Variants in CFAP251 observed in about 807,000 individuals in gnomAD.
CFAP251 encodes cilia and flagella associated protein 251.
Under a neutral mutation model 126.7 loss-of-function variants are expected in CFAP251, and 93 were observed. The observed-to-expected ratio is 0.73, with a 90% CI of 0.62 to 0.87. CFAP251 has a LOEUF of 0.87. Ranked by LOEUF, CFAP251 falls within the 40% of genes least tolerant of loss-of-function variation. The pLI is 0.00. For synonymous variants in CFAP251, 503 were observed against 506.9 expected (o/e 0.99, Z 0.10); for missense variants, 1,287 against 1,389.2 (o/e 0.93, Z 1.17).
chr12:121,968,933 G>A, intron 17 of CFAP251: 9 of 985,444 alleles, frequency 9.1e-6, no homozygotes, highest in Non-Finnish European at 1.1e-5. Context: ...GAGGGGACAA[G>A]CACCCACACT....
chr12:121,957,278 T>C lies in CFAP251; in HGVS notation c.1730+10T>C, dbSNP rs760340591. Reference sequence around the variant, plus strand: ...ACCTTTTTGTCTTAAGGTAAGTTGTTAATGAATCTAGTCATTAGAATGGTT... The same window carrying C: ...ACCTTTTTGTCTTAAGGTAAGTTGTCAATGAATCTAGTCATTAGAATGGTT... On this transcript the variant is annotated intron_variant, in intron 11 of 21. Coordinates refer to ENST00000288912, the MANE Select transcript of CFAP251 (RefSeq NM_144668.6). The C allele has an allele frequency of 5.0e-6, 8 of 1,603,380 alleles. No individual in the cohort carries two copies. The highest frequency in any genetic ancestry group is 6.8e-6 in the Non-Finnish European group (8 of 1,175,304).
rs1882342055 is a variant in CFAP251, at chr12:121,971,950, C to T, written c.2772-3294C>T. On this transcript the variant is annotated intron_variant, in intron 17 of 21. Coordinates refer to ENST00000288912, the MANE Select transcript of CFAP251 (RefSeq NM_144668.6). Reference sequence around the variant, plus strand: ...TGGTTTGATAAGGGGAAACCTGTTTCACTTGGCTCTCATTCTCTCTTGCCA... The same window carrying T: ...TGGTTTGATAAGGGGAAACCTGTTTTACTTGGCTCTCATTCTCTCTTGCCA... 2.3e-5 allele frequency: 6 copies of T among 264,954 alleles called. No homozygotes were observed. In the South Asian group the frequency reaches 2.9e-4, roughly 13 times the overall value. The allele number at this position is 264,954 out of a possible 1,614,324, so 16.4% of individuals were successfully genotyped here.
intron 15 of CFAP251, among the ~76,000 whole-genome samples, chr12:121,964,386 C>T (rs573918471): frequency 1.3e-5 from 2 of 152,158 alleles, no homozygotes; most frequent in Non-Finnish European, 1.5e-5. Flanking sequence ...CTCAGATATG[C>T]GCAGTCCTAA....
intron 21 of CFAP251, 92 bp from the exon 22 acceptor site, chr12:122,003,560 A>G: frequency 2.1e-6 from 2 of 940,786 alleles, no homozygotes; most frequent in Non-Finnish European, 3.3e-6. Flanking sequence ...GCAACAGAGC[A>G]AGGCCCTGTC....
At chr12:121,921,792 C>A in intron 2 of CFAP251, 109 bp downstream of exon 2, 1 of 796,278 alleles carries the variant, frequency 1.3e-6, no homozygotes, top group Non-Finnish European at 1.8e-6. Context: ...CAATCCATTC[C>A]TTTTTTTTTT....
chr12:121,922,379 G>A (rs1278958897), intron 2 of CFAP251, among the ~76,000 whole-genome samples: 2 of 152,088 alleles, frequency 1.3e-5, no homozygotes, highest in African/African-American at 4.8e-5. Flanking sequence ...CAAAGTGCTA[G>A]GAGCCCCTGC....
chr12:121,988,305 C>T (rs1593004900), intron 19 of CFAP251, among the ~76,000 whole-genome samples: 1 of 152,092 alleles, frequency 6.6e-6, no homozygotes, highest in African/African-American at 2.4e-5. Flanking sequence ...AGAATGTCCA[C>T]CGAGTAGTGC....
At chr12:121,945,586 GC>G (rs1466161808) in intron 7 of CFAP251, among the ~76,000 whole-genome samples, 1 of 151,154 alleles carries the variant, frequency 6.6e-6, no homozygotes, top group Admixed American at 6.6e-5. Flanking sequence ...CTCATGATCC[GC>G]CCGCCTTGGC....
At chr12:121,986,598 C>T (rs1593004030) in intron 19 of CFAP251, among the ~76,000 whole-genome samples, 1 of 151,504 alleles carries the variant, frequency 6.6e-6, no homozygotes, top group East Asian at 2.0e-4. Flanking sequence ...CGCGCCCAGC[C>T]GAATTTTTTT....
chr12:121,973,942 C>A (rs1240970851), intron 17 of CFAP251, among the ~76,000 whole-genome samples: 1 of 152,002 alleles, frequency 6.6e-6, no homozygotes, highest in East Asian at 1.9e-4. Flanking sequence ...ATTGGGAAGG[C>A]ATGATTGGTT....
At position 121,999,738 on chromosome 12, in the gene CFAP251, T is replaced by A. The variant is rs1233119469; in HGVS notation, c.3029T>A (p.Ile1010Asn). The change falls in exon 20 of 22, where the codon ATC becomes AAC. Residue 1010 changes from isoleucine to asparagine, a missense_variant. Physicochemically the swap from Ile to Asn is moderately radical, Grantham distance 149. Coordinates refer to ENST00000288912, the MANE Select transcript of CFAP251 (RefSeq NM_144668.6). ...EEKIDDIFNEIKFGEYVDTGK... is the reference protein window; with the variant it reads ...EEKIDDIFNENKFGEYVDTGK... ...TAGATTGATGATATATTTAACGAAATCAAATTTGGTGAATATGTGGACACT... is the reference window on the plus strand; with the variant it reads ...TAGATTGATGATATATTTAACGAAAACAAATTTGGTGAATATGTGGACACT... 2 of 1,608,170 alleles carry A rather than the reference T, an allele frequency of 1.2e-6. No homozygotes were observed. The highest frequency in any genetic ancestry group is 2.7e-5 in the African/African-American group (2 of 74,928).
intron 17 of CFAP251, among the ~76,000 whole-genome samples, 197 bp downstream of exon 17, chr12:121,968,366 T>C (rs1172314221): frequency 2.0e-5 from 3 of 152,162 alleles, no homozygotes; most frequent in African/African-American, 7.2e-5. Flanking sequence ...GGACCAATGG[T>C]GTTTGCAGTT....
intron 7 of CFAP251, chr12:121,948,730 AAAG>A: frequency 3.8e-6 from 1 of 266,498 alleles, no homozygotes; most frequent in Non-Finnish European, 7.0e-6. Flanking sequence ...AAAAAAAAAA[AAAG>A]AAAAGCTTAT....
At chr12:121,956,501 G>C in intron 10 of CFAP251, among the ~76,000 whole-genome samples, 1 of 152,110 alleles carries the variant, frequency 6.6e-6, no homozygotes. Context: ...TTGTTTGTCT[G>C]TTTTGTTTTT....
intron 19 of CFAP251, chr12:121,997,374 G>GAGTC (rs1257317701): frequency 7.5e-6 from 1 of 134,168 alleles, no homozygotes; most frequent in East Asian, 2.1e-4. Context: ...GGCAAGGTGT[G>GAGTC]AGTCACCGTT....
At position 121,923,868 on chromosome 12, in the gene CFAP251, G is replaced by A. The variant is rs748865361; in HGVS notation, c.625G>A (p.Gly209Arg). 1.9e-6 allele frequency: 3 copies of A among 1,614,120 alleles called. No individual in the cohort carries two copies. The highest frequency in any genetic ancestry group is 2.5e-6 in the Non-Finnish European group (3 of 1,180,020). The change falls in exon 3 of 22, where the codon GGA (glycine) becomes AGA (arginine). Residue 209 changes from glycine (G) to arginine (R), a missense_variant. By Grantham distance (125) the Gly-to-Arg change is moderately radical (BLOSUM62 -2). Coordinates refer to ENST00000288912, the MANE Select transcript of CFAP251 (RefSeq NM_144668.6). The part of the protein sequence containing the change: ...RDLEPENREE[G>R]QERRVSDIQS... Reference sequence around the variant, plus strand: ...CTTGGAGCCAGAAAACAGAGAGGAGGGACAAGAAAGGAGAGTATCCGACAT... The same window carrying A: ...CTTGGAGCCAGAAAACAGAGAGGAGAGACAAGAAAGGAGAGTATCCGACAT...
At chr12:121,938,142 C>A (rs142531377) in intron 5 of CFAP251, among the ~76,000 whole-genome samples, 354 of 151,900 alleles carry the variant, frequency 2.3e-3, no homozygotes, top group Non-Finnish European at 3.6e-3. Flanking sequence ...GTAGTTGGGA[C>A]CATGGATACA....
intron 9 of CFAP251, chr12:121,953,696 T>C (rs1260766940): frequency 5.6e-6 from 1 of 180,144 alleles, no homozygotes; most frequent in Non-Finnish European, 1.2e-5. Context: ...GTACAGTGCT[T>C]AAATATTTTC....
chr12:121,948,794 A>G, intron 7 of CFAP251, 190 bp from the exon 8 acceptor site: 1 of 443,220 alleles, frequency 2.3e-6, no homozygotes, highest in Non-Finnish European at 4.0e-6. Context: ...AAGGGAACAC[A>G]TTTGACACTG....
Sources: allele counts gnomAD v4.1 joint callset (sites outside exome capture counted in the v4.1 genomes callset), GRCh38; gene constraint gnomAD v4.1.1; transcripts MANE v1.5; gene names NCBI Gene and HGNC (gene_info 2026-07-23, HGNC 2026-07-21).